The following NTM variants were observed in gnomAD, a reference collection of about 807,000 sequenced individuals.
NTM encodes the protein neurotrimin, also known as IgLON family member 2.
Under a neutral mutation model 42.1 loss-of-function variants are expected in NTM, and 13 were observed. The observed-to-expected ratio is 0.31, with a 90% CI of 0.20 to 0.49. NTM has a LOEUF of 0.49. NTM is among the 20% of genes least tolerant of loss of function. The pLI is 0.99. For missense variants in NTM, 373 were observed against 452.8 expected, an observed-to-expected ratio of 0.82 and a Z score of 1.60; for synonymous variants, 187 against 179.2, an observed-to-expected ratio of 1.04 and a Z score of -0.35.
At chr11:131,865,294 C>T (rs942169096) in intron 1 of NTM, among the ~76,000 whole-genome samples, 15 of 152,184 alleles carry the variant, frequency 9.9e-5, no homozygotes, top group African/African-American at 2.4e-4. Flanking sequence ...CACACCAAGA[C>T]AAAATTCAGA....
At position 131,635,141 on chromosome 11, in the gene NTM, C is replaced by T. The variant is rs140238348; in HGVS notation, c.82+264253C>T. Among the ~76,000 whole-genome samples, 742 of 152,302 alleles carry T rather than the reference C, an allele frequency of 4.9e-3. 4 individuals are homozygous for T. Among genetic ancestry groups the T allele is most frequent in the African/African-American group, 0.017 (703 of 41,558 alleles). On this transcript the variant is annotated intron_variant, in intron 1 of 8. Coordinates refer to ENST00000683400, the MANE Select transcript of NTM (RefSeq NM_001352005.2). ...CATTACTTACGTATTTGTCCTGATG[C>T]TACTGTAAACATTTCTCCCTAGAGA... is the stretch of plus-strand genomic sequence containing the variant.
intron 4 of NTM, among the ~76,000 whole-genome samples, chr11:132,252,449 G>T (rs538911919): frequency 3.3e-5 from 5 of 152,268 alleles, no homozygotes; most frequent in African/African-American, 9.6e-5. Flanking sequence ...CCCAAAAAAG[G>T]GTGGAAATGG....
intron 2 of NTM, among the ~76,000 whole-genome samples, chr11:131,987,584 A>G (rs1265329416): frequency 1.3e-5 from 2 of 152,228 alleles, no homozygotes; most frequent in African/African-American, 4.8e-5. Flanking sequence ...GATTTAGACC[A>G]CAAAGTGAGG....
At chr11:131,817,701 C>T (rs930695406) in intron 1 of NTM, among the ~76,000 whole-genome samples, 29 of 152,234 alleles carry the variant, frequency 1.9e-4, no homozygotes, top group African/African-American at 6.3e-4. Context: ...GTTCCCTCTG[C>T]TCCACCTCCT....
intron 1 of NTM, among the ~76,000 whole-genome samples, chr11:131,527,993 G>T (rs1247481640): frequency 6.6e-6 from 1 of 152,172 alleles, no homozygotes; most frequent in East Asian, 1.9e-4. Flanking sequence ...AGGCTCAAAG[G>T]AAATGCTCAT....
intron 2 of NTM, among the ~76,000 whole-genome samples, chr11:131,994,017 A>AAGAAG (rs1555209837): frequency 1.4e-3 from 195 of 138,008 alleles, no homozygotes; most frequent in African/African-American, 5.4e-3. Flanking sequence ...AAAAAAAAAA[A>AAGAAG]AAGAAGAAGA....
chr11:131,941,029 G>C (rs527284196), intron 2 of NTM, among the ~76,000 whole-genome samples: 4 of 152,326 alleles, frequency 2.6e-5, no homozygotes, highest in African/African-American at 9.6e-5. Context: ...ATGGCAGTGC[G>C]CATAGGGCAC....
At chr11:132,024,679 A>G (rs2074916806) in intron 2 of NTM, among the ~76,000 whole-genome samples, 2 of 152,314 alleles carry the variant, frequency 1.3e-5, no homozygotes, top group African/African-American at 4.8e-5. Context: ...GCGCAGATAC[A>G]GTCTGGCTGC....
At chr11:131,398,734 TCTTA>T (rs1244432472) in intron 1 of NTM, among the ~76,000 whole-genome samples, 4 of 152,164 alleles carry the variant, frequency 2.6e-5, no homozygotes, top group South Asian at 4.1e-4. Flanking sequence ...CCACCAATAC[TCTTA>T]CTTTACTCAG....
intron 2 of NTM, among the ~76,000 whole-genome samples, chr11:132,128,730 C>A (rs1266432953): frequency 6.6e-6 from 1 of 150,664 alleles, no homozygotes; most frequent in Non-Finnish European, 1.5e-5. Context: ...CTGGCTAACA[C>A]GGTGAAACCC....
chr11:132,198,822 A>T (rs2080714425), intron 3 of NTM, among the ~76,000 whole-genome samples: 1 of 152,206 alleles, frequency 6.6e-6, no homozygotes, highest in South Asian at 2.1e-4. Flanking sequence ...CATGTACTTT[A>T]AAATTTATTC....
chr11:131,938,072 G>A (rs999737089), intron 2 of NTM, among the ~76,000 whole-genome samples: 1 of 152,262 alleles, frequency 6.6e-6, no homozygotes, highest in Non-Finnish European at 1.5e-5. Flanking sequence ...TGCTTACTAC[G>A]CACTGGACAG....
At chr11:131,532,817 G>T (rs2051494755) in intron 1 of NTM, among the ~76,000 whole-genome samples, 1 of 152,206 alleles carries the variant, frequency 6.6e-6, no homozygotes, top group Non-Finnish European at 1.5e-5. Context: ...TTTCTCTAAT[G>T]ATCAGTGATG....
intron 1 of NTM, among the ~76,000 whole-genome samples, chr11:131,461,752 T>C (rs1180124717): frequency 1.3e-5 from 2 of 152,206 alleles, no homozygotes; most frequent in Non-Finnish European, 2.9e-5. Flanking sequence ...ACCTTGATTA[T>C]GATAATAATT....
intron 2 of NTM, among the ~76,000 whole-genome samples, chr11:132,097,023 C>T (rs2061086375): frequency 6.6e-6 from 1 of 152,172 alleles, no homozygotes; most frequent in Admixed American, 6.5e-5. Flanking sequence ...GGGTTACTAA[C>T]CCAGCTGAAT....
intron 3 of NTM, among the ~76,000 whole-genome samples, chr11:132,190,378 TA>T (rs2079106277): frequency 6.6e-6 from 1 of 152,142 alleles, no homozygotes; most frequent in Non-Finnish European, 1.5e-5. Context: ...ACACTCTGGA[TA>T]AAGAGCATTT....
At chr11:131,422,844 T>A (rs1947677300) in intron 1 of NTM, among the ~76,000 whole-genome samples, 1 of 152,238 alleles carries the variant, frequency 6.6e-6, no homozygotes, top group Non-Finnish European at 1.5e-5. Context: ...TTTTAAATAG[T>A]TGTTGAATAT....
intron 7 of NTM, among the ~76,000 whole-genome samples, chr11:132,323,488 T>A (rs1359405520): frequency 6.6e-6 from 1 of 151,388 alleles, no homozygotes; most frequent in Non-Finnish European, 1.5e-5. Context: ...AGAAGTTGAA[T>A]CTCTGAATAG....
intron 1 of NTM, among the ~76,000 whole-genome samples, chr11:131,449,239 A>T: frequency 6.6e-6 from 1 of 151,400 alleles, no homozygotes; most frequent in South Asian, 2.1e-4. Flanking sequence ...ACACAGAAGG[A>T]CAGCCGGGGA....
Sources: allele counts gnomAD v4.1 joint callset (sites outside exome capture counted in the v4.1 genomes callset), GRCh38; gene constraint gnomAD v4.1.1; transcripts MANE v1.5; gene names NCBI Gene and HGNC (gene_info 2026-07-23, HGNC 2026-07-21).